Variants in CNTN5 observed in about 807,000 individuals in gnomAD.
The protein encoded by CNTN5 is contactin 5, also known as contactin-5.
Under a neutral mutation model 129.1 loss-of-function variants are expected in CNTN5, and 77 were observed. That is an observed-to-expected ratio of 0.60 (90% CI 0.50 to 0.72). The LOEUF is 0.72. Among genes scored for constraint, CNTN5 ranks in the 30% least tolerant of loss-of-function variants. The pLI, the probability that CNTN5 is intolerant of heterozygous loss-of-function variation, is 0.00. For synonymous variants in CNTN5, 509 were observed against 465.6 expected (o/e 1.09, Z -1.20); for missense variants, 1,478 against 1,328.8 (o/e 1.11, Z -1.75).
At chr11:100,078,338 G>C (rs928783758) in intron 13 of CNTN5, among the ~76,000 whole-genome samples, 6 of 152,060 alleles carry the variant, frequency 3.9e-5, no homozygotes, top group African/African-American at 1.2e-4. Flanking sequence ...TTAGCTGCCT[G>C]CTTATATATT....
At chr11:100,063,719 A>G (rs1943577433) in intron 10 of CNTN5, among the ~76,000 whole-genome samples, 1 of 151,484 alleles carries the variant, frequency 6.6e-6, no homozygotes, top group African/African-American at 2.4e-5. Context: ...AAAAAAAAAA[A>G]AAAAAAAAAT....
At chr11:100,154,319 C>G (rs563816437) in intron 13 of CNTN5, among the ~76,000 whole-genome samples, 4 of 144,510 alleles carry the variant, frequency 2.8e-5, no homozygotes, top group East Asian at 2.1e-4. Flanking sequence ...CATGGTGTAT[C>G]TGTGCCACAT....
At chr11:99,182,833 G>A (rs1433526252) in intron 1 of CNTN5, among the ~76,000 whole-genome samples, 1 of 152,082 alleles carries the variant, frequency 6.6e-6, no homozygotes, top group Non-Finnish European at 1.5e-5. Context: ...TGTAATTCCT[G>A]ACGTTGAGCT....
At chr11:99,630,757 C>A (rs1951317125) in intron 3 of CNTN5, among the ~76,000 whole-genome samples, 1 of 152,124 alleles carries the variant, frequency 6.6e-6, no homozygotes, top group African/African-American at 2.4e-5. Flanking sequence ...ATATCAAGTC[C>A]TTGACCAATC....
chr11:100,145,140 T>G (rs780606879), intron 13 of CNTN5, among the ~76,000 whole-genome samples: 2 of 152,184 alleles, frequency 1.3e-5, no homozygotes, highest in Non-Finnish European at 2.9e-5. Flanking sequence ...TTTTGATATA[T>G]GTAAAACTCA....
intron 3 of CNTN5, among the ~76,000 whole-genome samples, chr11:99,778,135 T>G (rs1565519705): frequency 6.6e-6 from 1 of 151,904 alleles, no homozygotes; most frequent in Non-Finnish European, 1.5e-5. Flanking sequence ...TTAAGCCTTG[T>G]TCTCTATTAA....
chr11:99,918,719 A>G (rs1949858022), intron 7 of CNTN5, among the ~76,000 whole-genome samples: 1 of 152,168 alleles, frequency 6.6e-6, no homozygotes, highest in Non-Finnish European at 1.5e-5. Context: ...GTCAGATACA[A>G]AAGAATTTCC....
At chr11:99,178,313 TCCACACACAC>T (rs1184953596) in intron 1 of CNTN5, among the ~76,000 whole-genome samples, 1 of 116,872 alleles carries the variant, frequency 8.6e-6, no homozygotes, top group Non-Finnish European at 1.8e-5. Flanking sequence ...AGACCTCATC[TCCACACACAC>T]ACACACACAC....
At chr11:99,917,219 T>A (rs961468790) in intron 7 of CNTN5, among the ~76,000 whole-genome samples, 4 of 152,142 alleles carry the variant, frequency 2.6e-5, no homozygotes. Context: ...ATTGTTTGAG[T>A]TGTACCCCTC....
intron 13 of CNTN5, among the ~76,000 whole-genome samples, chr11:100,112,401 ATAG>A (rs1400155317): frequency 4.6e-5 from 7 of 152,202 alleles, no homozygotes; most frequent in African/African-American, 1.7e-4. Flanking sequence ...AACACTGATA[ATAG>A]TAGAGAAATG....
intron 3 of CNTN5, among the ~76,000 whole-genome samples, chr11:99,754,139 A>C (rs773938675): frequency 6.6e-6 from 1 of 152,190 alleles, no homozygotes; most frequent in Non-Finnish European, 1.5e-5. Context: ...GCTGTTGTCC[A>C]TTTGATTGCT....
intron 1 of CNTN5, among the ~76,000 whole-genome samples, chr11:99,182,306 A>G (rs1858117298): frequency 6.6e-6 from 1 of 152,152 alleles, no homozygotes; most frequent in Admixed American, 6.6e-5. Context: ...TTTTATCACA[A>G]AGCTACTCGA....
At chr11:99,526,075 C>A (rs1947473209) in intron 2 of CNTN5, among the ~76,000 whole-genome samples, 2 of 152,092 alleles carry the variant, frequency 1.3e-5, no homozygotes, top group South Asian at 4.1e-4. Flanking sequence ...GTGAGTAAAA[C>A]AGATACTTTC....
At chr11:99,522,866 C>T (rs1947320377) in intron 2 of CNTN5, among the ~76,000 whole-genome samples, 1 of 152,048 alleles carries the variant, frequency 6.6e-6, no homozygotes. Context: ...TGCCTTCTCG[C>T]CCTTCCTTCA....
chr11:99,650,947 A>G lies in CNTN5; in HGVS notation c.55+94678A>G, dbSNP rs1009412994. On this transcript the variant is annotated intron_variant, in intron 3 of 24. Coordinates refer to ENST00000524871, the MANE Select transcript of CNTN5 (RefSeq NM_014361.4). ...GTTCTTATCTATGTCTTTCCACTTA[A>G]GGATTTAAAGAAACCAAGTTTCTAC... Among the ~76,000 whole-genome samples the G allele has an allele frequency of 3.3e-5, 5 of 151,962 alleles. No individual in the cohort carries two copies. In the East Asian group the frequency reaches 7.7e-4, roughly 23 times the overall value.
intron 2 of CNTN5, among the ~76,000 whole-genome samples, chr11:99,422,518 T>TTATATATATATA (rs71046684): frequency 1.2e-5 from 1 of 83,414 alleles, no homozygotes; most frequent in Non-Finnish European, 2.5e-5. Context: ...CTTTATATTT[T>TTATATATATATA]TATATATATA....
intron 9 of CNTN5, among the ~76,000 whole-genome samples, chr11:100,010,486 G>C (rs555840483): frequency 6.6e-6 from 1 of 152,082 alleles, no homozygotes; most frequent in Non-Finnish European, 1.5e-5. Flanking sequence ...AGGATTCCCT[G>C]CTGAGGTGCC....
chr11:100,044,025 C>T (rs1942516220), intron 9 of CNTN5, among the ~76,000 whole-genome samples: 1 of 151,418 alleles, frequency 6.6e-6, no homozygotes, highest in Non-Finnish European at 1.5e-5. Flanking sequence ...ATTTCTTATC[C>T]CTCACCTTTC....
chr11:100,200,137 A>G (rs1948743797), intron 15 of CNTN5, among the ~76,000 whole-genome samples: 1 of 151,904 alleles, frequency 6.6e-6, no homozygotes, highest in Non-Finnish European at 1.5e-5. Context: ...GACACCTAAG[A>G]CAGTCTGTTA....
Sources: gnomAD v4.1 joint callset for allele counts (sites outside exome capture counted in the v4.1 genomes callset) on GRCh38, gnomAD v4.1.1 for gene constraint, MANE v1.5 for transcripts, NCBI Gene and HGNC (gene_info 2026-07-23, HGNC 2026-07-21) for gene names.